GALNTL6: variants seen among roughly 807,000 people sequenced by gnomAD.
GALNTL6 encodes polypeptide N-acetylgalactosaminyltransferase like 6.
In GALNTL6, 46 loss-of-function variants were observed where a neutral mutation model predicts 73.7. The ratio of observed to expected loss-of-function variants is 0.62; its 90% CI spans 0.49 to 0.80. The LOEUF (loss-of-function observed/expected upper bound fraction) is 0.80. Among genes scored for constraint, GALNTL6 ranks in the 30% least tolerant of loss-of-function variants. The probability of loss-of-function intolerance (pLI) is 0.00; values close to 1 mark genes in which losing one functional copy is unlikely to be tolerated. For missense variants in GALNTL6, 604 were observed against 755.0 expected (o/e 0.80, Z 2.34); for synonymous variants, 259 against 263.7 (o/e 0.98, Z 0.17).
chr4:173,034,280 C>T (rs899852089), intron 12 of GALNTL6, among the ~76,000 whole-genome samples: 4 of 152,190 alleles, frequency 2.6e-5, no homozygotes, highest in Non-Finnish European at 5.9e-5. Flanking sequence ...CCTCCTCCAT[C>T]TTCCTCACTG....
chr4:172,667,254 C>A (rs1245690931), intron 5 of GALNTL6: 1 of 152,238 alleles, frequency 6.6e-6, no homozygotes, highest in Non-Finnish European at 1.5e-5. Flanking sequence ...CTGGCTCCAT[C>A]ACCTGTGTTA....
intron 2 of GALNTL6, among the ~76,000 whole-genome samples, chr4:171,970,379 T>C (rs1268839716): frequency 2.0e-5 from 3 of 152,220 alleles, no homozygotes; most frequent in Non-Finnish European, 1.5e-5. Context: ...TTTTGTACTT[T>C]AGTAAGGATA....
chr4:171,948,174 GAA>G (rs5864100), intron 2 of GALNTL6, among the ~76,000 whole-genome samples: 14 of 151,358 alleles, frequency 9.2e-5, no homozygotes, highest in African/African-American at 2.4e-4. Context: ...TCAATTTTTG[GAA>G]AAAAAAAATG....
intron 5 of GALNTL6, among the ~76,000 whole-genome samples, chr4:172,749,381 A>G (rs1195103412): frequency 6.6e-6 from 1 of 152,140 alleles, no homozygotes; most frequent in Non-Finnish European, 1.5e-5. Flanking sequence ...TTTTTCACTT[A>G]AAATTTTTTC....
intron 3 of GALNTL6, among the ~76,000 whole-genome samples, chr4:172,296,807 G>A: frequency 6.6e-6 from 1 of 152,174 alleles, no homozygotes; most frequent in Non-Finnish European, 1.5e-5. Flanking sequence ...ATTGTGAATA[G>A]TGCCGCAATA....
At chr4:172,298,326 C>T (rs373329503) in intron 3 of GALNTL6, among the ~76,000 whole-genome samples, 7 of 152,120 alleles carry the variant, frequency 4.6e-5, no homozygotes, top group Admixed American at 1.3e-4. Flanking sequence ...TCCTCTTTTC[C>T]TAATTGAATA....
intron 2 of GALNTL6, among the ~76,000 whole-genome samples, chr4:171,882,753 G>A (rs953691991): frequency 1.3e-5 from 2 of 152,172 alleles, no homozygotes; most frequent in Non-Finnish European, 1.5e-5. Context: ...GCTGGCAGTT[G>A]ATTACATCTT....
chr4:171,983,812 C>T lies in GALNTL6; in HGVS notation c.138+169094C>T, dbSNP rs781134535. Among the ~76,000 whole-genome samples the T allele has an allele frequency of 3.3e-4, 51 of 152,262 alleles. No individual in the cohort carries two copies. The Middle Eastern group carries it at 0.014, about 41-fold the overall frequency. ...TTGGCTGCCTTTGCTTCAACCCCTC[C>T]TAACAACTGCTGCTGCTCTCCTCCT... On this transcript the variant is annotated intron_variant, in intron 2 of 12. Transcript: ENST00000506823.
chr4:172,514,486 T>C (rs1300678998), intron 5 of GALNTL6, among the ~76,000 whole-genome samples: 2 of 152,130 alleles, frequency 1.3e-5, no homozygotes, highest in Admixed American at 1.3e-4. Flanking sequence ...GGCTGGGACT[T>C]TGCCGCAAGC....
intron 5 of GALNTL6, among the ~76,000 whole-genome samples, chr4:172,446,550 ATAAAGCCCATGC>A (rs1732026661): frequency 6.6e-6 from 1 of 152,188 alleles, no homozygotes; most frequent in Admixed American, 6.6e-5. Context: ...AAGTTTCATC[ATAAAGCCCATGC>A]TAAATCTTGC....
intron 2 of GALNTL6, among the ~76,000 whole-genome samples, chr4:172,003,419 A>T (rs1740737163): frequency 6.6e-6 from 1 of 152,080 alleles, no homozygotes; most frequent in African/African-American, 2.4e-5. Context: ...TATTTTATAC[A>T]TTTTATTATG....
chr4:172,965,456 G>A (rs1248884272), intron 10 of GALNTL6, among the ~76,000 whole-genome samples: 3 of 151,964 alleles, frequency 2.0e-5, no homozygotes, highest in African/African-American at 4.8e-5. Context: ...GGTGGCAGGC[G>A]CCTGTAGTCC....
At chr4:172,979,844 G>T (rs1157137480) in intron 10 of GALNTL6, among the ~76,000 whole-genome samples, 1 of 152,036 alleles carries the variant, frequency 6.6e-6, no homozygotes, top group African/African-American at 2.4e-5. Flanking sequence ...GGAATAGAGG[G>T]GTAAAATAAA....
chr4:172,773,711 G>A (rs557933966), intron 5 of GALNTL6, among the ~76,000 whole-genome samples: 4 of 152,206 alleles, frequency 2.6e-5, no homozygotes, highest in Non-Finnish European at 5.9e-5. Context: ...TCTTTAACAG[G>A]TGAAGAAACT....
At chr4:172,375,892 A>G (rs144556538) in intron 5 of GALNTL6, among the ~76,000 whole-genome samples, 3,128 of 152,296 alleles carry the variant, frequency 0.021, 101 homozygotes, top group African/African-American at 0.07. Context: ...TAAAGATGTT[A>G]TGCCCCAAAA....
At chr4:172,938,506 T>C (rs1242758608) in intron 9 of GALNTL6, among the ~76,000 whole-genome samples, 1 of 152,144 alleles carries the variant, frequency 6.6e-6, no homozygotes, top group Non-Finnish European at 1.5e-5. Flanking sequence ...CCAAAATGAC[T>C]AGTTTGATAT....
At chr4:171,856,455 T>C (rs1277027099) in intron 2 of GALNTL6, among the ~76,000 whole-genome samples, 1 of 152,152 alleles carries the variant, frequency 6.6e-6, no homozygotes, top group Non-Finnish European at 1.5e-5. Flanking sequence ...AATCAATTTT[T>C]TATGAATCAT....
Position 172,993,097 on chromosome 4 carries a change from T to TC in GALNTL6, c.1372-16075dup, listed in dbSNP as rs931062979. ...AGTTCATCTCATGAACTGAATTGTG[T>TC]CCCCCCAAAAATTCGTATGTTGAAG... On this transcript the variant is annotated intron_variant, in intron 10 of 12. Coordinates refer to ENST00000506823, the MANE Select transcript of GALNTL6 (RefSeq NM_001034845.3). Among the ~76,000 whole-genome samples, 6 of 152,284 alleles carry TC rather than the reference T, an allele frequency of 3.9e-5. No homozygotes were observed. In the East Asian group the frequency reaches 5.8e-4, roughly 15 times the overall value.
At chr4:172,295,999 G>A (rs1357943821) in intron 3 of GALNTL6, among the ~76,000 whole-genome samples, 2 of 151,600 alleles carry the variant, frequency 1.3e-5, no homozygotes, top group African/African-American at 2.4e-5. Context: ...AGATAGTATC[G>A]ATAGGGTCCA....
Sources: allele counts gnomAD v4.1 joint callset (sites outside exome capture counted in the v4.1 genomes callset), GRCh38; gene constraint gnomAD v4.1.1; transcripts MANE v1.5; gene names NCBI Gene and HGNC (gene_info 2026-07-23, HGNC 2026-07-21).